RNF19A: variants seen among roughly 807,000 people sequenced by gnomAD.
RNF19A encodes E3 ubiquitin-protein ligase RNF19A.
A neutral mutation model predicts 75.7 loss-of-function variants in RNF19A; 32 were observed. The ratio of observed to expected loss-of-function variants is 0.42; its 90% CI spans 0.32 to 0.57. The LOEUF (loss-of-function observed/expected upper bound fraction) is 0.57, where lower values mean the gene tolerates loss of function less well. RNF19A is among the 20% of genes least tolerant of loss of function. The pLI, the probability that RNF19A is intolerant of heterozygous loss-of-function variation, is 0.10. For missense variants in RNF19A, 782 were observed against 1,036.3 expected (o/e 0.75, Z 3.37); for synonymous variants, 335 against 345.2 (o/e 0.97, Z 0.33).
upstream of RNF19A, among the ~76,000 whole-genome samples, chr8:100,311,105 C>T (rs901617078): frequency 6.6e-6 from 1 of 152,186 alleles, no homozygotes; most frequent in African/African-American, 2.4e-5. Flanking sequence ...TTTAGTGTGT[C>T]TGTGTAATTT....
intron 1 of RNF19A, among the ~76,000 whole-genome samples, chr8:100,307,805 A>G (rs1051543280): frequency 6.6e-6 from 1 of 152,180 alleles, no homozygotes; most frequent in Non-Finnish European, 1.5e-5. Flanking sequence ...TTCCACCAAG[A>G]TGCTAAGTAT....
chr8:100,325,311 T>C lies in RNF19A; in HGVS notation c.-243+10797A>G, dbSNP rs1428961757. ...AAGGGTTTTTGCAGAGAGTTTGGTTTCTGAGTCTTCCAAAAAGTAGTTACA... is the reference window on the plus strand; with the variant it reads ...AAGGGTTTTTGCAGAGAGTTTGGTTCCTGAGTCTTCCAAAAAGTAGTTACA... On this transcript the variant is annotated intron_variant, in intron 1 of 3. Transcript: ENST00000519527. The surrounding 1 kb of genome is among the most constrained non-coding windows in gnomAD (Gnocchi z 4.3). 6.6e-6 allele frequency among the ~76,000 whole-genome samples: 1 copy of C among 152,212 alleles called. No homozygotes were observed. Among genetic ancestry groups the C allele is most frequent in the African/African-American group, 2.4e-5 (1 of 41,458 alleles).
chr8:100,279,658 A>T (rs1181365287), intron 2 of RNF19A, among the ~76,000 whole-genome samples: 1 of 152,090 alleles, frequency 6.6e-6, no homozygotes, highest in Non-Finnish European at 1.5e-5. Flanking sequence ...GTTCAAGCTC[A>T]GATTACAGGG....
Position 100,322,343 on chromosome 8 carries a change from ACT to A in RNF19A, c.-242-8973_-242-8972del, listed in dbSNP as rs1218878014. ...CTTGTACTTTCATGGCACAAAACAAACTCTTTCCTTATACCTCATGATCCAAC... is the reference window on the plus strand; with the variant it reads ...CTTGTACTTTCATGGCACAAAACAAACTTTCCTTATACCTCATGATCCAAC... On this transcript the variant is annotated intron_variant, in intron 1 of 3. Coordinates refer to the RNF19A transcript ENST00000519527. The surrounding 1 kb of genome is among the most constrained non-coding windows in gnomAD (Gnocchi z 5.1). Among the ~76,000 whole-genome samples, 3 of 152,148 alleles carry A rather than the reference ACT, an allele frequency of 2.0e-5. No homozygotes were observed. The highest frequency in any genetic ancestry group is 4.4e-5 in the Non-Finnish European group (3 of 68,028).
chr8:100,316,144 G>A (rs2043270215), intron 1 of RNF19A, among the ~76,000 whole-genome samples: 1 of 152,136 alleles, frequency 6.6e-6, no homozygotes, highest in Non-Finnish European at 1.5e-5. Flanking sequence ...GACCTTCGCG[G>A]TGAGTGTTAC....
intron 1 of RNF19A, among the ~76,000 whole-genome samples, chr8:100,316,733 G>A (rs6989703): frequency 0.02 from 3,008 of 152,332 alleles, 99 homozygotes; most frequent in African/African-American, 0.066. Flanking sequence ...CACCAGGGCT[G>A]CAGTTGGAGC....
intron 1 of RNF19A, among the ~76,000 whole-genome samples, chr8:100,295,080 C>T (rs991432842): frequency 9.2e-5 from 14 of 152,256 alleles, no homozygotes; most frequent in African/African-American, 3.1e-4. Flanking sequence ...ACTTTCATTC[C>T]AGTACATTTA....
chr8:100,285,210 T>C (rs1820960163), intron 2 of RNF19A, among the ~76,000 whole-genome samples: 1 of 152,204 alleles, frequency 6.6e-6, no homozygotes, highest in South Asian at 2.1e-4. Context: ...TAATACACAA[T>C]GTGGCAGTAG....
chr8:100,307,214 C>T (rs961735193), intron 1 of RNF19A, among the ~76,000 whole-genome samples: 2 of 152,074 alleles, frequency 1.3e-5, no homozygotes, highest in African/African-American at 2.4e-5. Flanking sequence ...ATTAGAAAAA[C>T]GAATAACAAT....
At chr8:100,319,853 G>A (rs1822440319) in intron 1 of RNF19A, among the ~76,000 whole-genome samples, 1 of 118,260 alleles carries the variant, frequency 8.5e-6, no homozygotes, top group South Asian at 2.7e-4. Flanking sequence ...TTTTTTTTTC[G>A]AGATGGAATT....
intron 1 of RNF19A, chr8:100,303,467 T>C (rs955716324): frequency 2.8e-4 from 42 of 152,306 alleles, no homozygotes; most frequent in African/African-American, 9.6e-4. Context: ...AACCCCTTTT[T>C]CCAAATAACA....
chr8:100,309,663 G>C, intron 1 of RNF19A: 5 of 928,086 alleles, frequency 5.4e-6, no homozygotes, highest in Non-Finnish European at 6.4e-6. Flanking sequence ...AGCTGACCGA[G>C]GCCTGACCCC....
chr8:100,334,889 C>T (rs946057209), intron 1 of RNF19A, among the ~76,000 whole-genome samples: 4 of 152,150 alleles, frequency 2.6e-5, no homozygotes, highest in Non-Finnish European at 4.4e-5. Context: ...TGCACTGGGG[C>T]CTGCTCTGAA....
chr8:100,288,396 C>A, intron 1 of RNF19A, 129 bp from the exon 2 acceptor site: 1 of 443,922 alleles, frequency 2.3e-6, no homozygotes, highest in Non-Finnish European at 3.6e-6. Flanking sequence ...TTTAACAAGG[C>A]CAATTTATTA....
chr8:100,304,912 C>T (rs897484550), intron 1 of RNF19A, among the ~76,000 whole-genome samples: 1 of 152,138 alleles, frequency 6.6e-6, no homozygotes, highest in African/African-American at 2.4e-5. Flanking sequence ...TTATACTAAT[C>T]CAATGAAAAA....
In RNF19A at chr8:100,288,151, A is replaced by G; in HGVS notation, c.24T>C (p.Phe8=). 6.2e-7 allele frequency: 1 copy of G among 1,607,426 alleles called. No individual in the cohort carries two copies. Among genetic ancestry groups the G allele is most frequent in the Non-Finnish European group, 8.5e-7 (1 of 1,176,200 alleles). The change falls in exon 2 of 10, where the codon TTT becomes TTC. Residue 8 remains phenylalanine (F), a synonymous_variant. Transcript: ENST00000341084. ...ACAGCCCTTCATTATATTTAGAGATAAAACCTATTTCTTGTTCTTGCATTC... is the reference window on the plus strand; with the variant it reads ...ACAGCCCTTCATTATATTTAGAGATGAAACCTATTTCTTGTTCTTGCATTC... MQEQEIG[F]ISKYNEGLCV...
chr8:100,259,646 G>A lies in RNF19A; in HGVS notation c.1826+208C>T, dbSNP rs980073810. ...GGGATCTTGCATCCATTAGCAGTTA[G>A]TTACCATTCTTCCCTTTCCCAGCCC... On this transcript the variant is annotated intron_variant, in intron 9 of 9. Coordinates refer to ENST00000341084, the MANE Select transcript of RNF19A (RefSeq NM_183419.4). The surrounding 1 kb of genome is among the most constrained non-coding windows in gnomAD (Gnocchi z 4.5). 3.3e-5 allele frequency among the ~76,000 whole-genome samples: 5 copies of A among 152,104 alleles called. No homozygotes were observed. Among genetic ancestry groups the A allele is most frequent in the Non-Finnish European group, 5.9e-5 (4 of 68,020 alleles).
In RNF19A at chr8:100,324,789, T is replaced by G. The variant is rs902662503; in HGVS notation, c.-243+11319A>C. Among the ~76,000 whole-genome samples, 2 of 152,068 alleles carry G rather than the reference T, an allele frequency of 1.3e-5. No homozygotes were observed. Among genetic ancestry groups the G allele is most frequent in the African/African-American group, 2.4e-5 (1 of 41,438 alleles). On this transcript the variant is annotated intron_variant, in intron 1 of 3. Coordinates refer to the RNF19A transcript ENST00000519527. This position sits in a 1 kb window ranked among gnomAD's most constrained non-coding sequence, Gnocchi z 4.2. ...TGATTAAAGGCATTGATCTATCTTT[T>G]TTCTTTCTTTCTCTTTCTTCTTCCT...
In RNF19A at chr8:100,287,992, T is replaced by G. The variant is rs1381596827; in HGVS notation, c.183A>C (p.Lys61Asn). 1 of 1,614,058 alleles carries G rather than the reference T, an allele frequency of 6.2e-7. No individual in the cohort carries two copies. Among genetic ancestry groups the G allele is most frequent in the African/African-American group, 1.3e-5 (1 of 74,920 alleles). Residue 61 changes from lysine to asparagine, a missense_variant, in exon 2 of 10, where the codon AAA (lysine) becomes AAC (asparagine). Lys to Asn is a moderately conservative substitution (Grantham distance 94). Coordinates refer to ENST00000341084, the MANE Select transcript of RNF19A (RefSeq NM_183419.4). The surrounding 1 kb of genome is among the most constrained non-coding windows in gnomAD (Gnocchi z 4.1). Reference protein sequence around the residue: ...VSLPSVKKAPKKRRISIGSLF... With the variant: ...VSLPSVKKAPNKRRISIGSLF... ...GGGAGCCTATTGAAATTCTTCTTTT[T>G]TTGGGTGCCTTTTTGACTGAAGGCA...
Sources: allele counts gnomAD v4.1 joint callset (sites outside exome capture counted in the v4.1 genomes callset), GRCh38; gene constraint gnomAD v4.1.1; non-coding constraint Gnocchi (gnomAD v3.1); transcripts MANE v1.5; gene names NCBI Gene and HGNC (gene_info 2026-07-23, HGNC 2026-07-21).